The following GAL3ST1 variants were observed in gnomAD, a reference collection of about 807,000 sequenced individuals.
GAL3ST1 encodes galactosylceramide sulfotransferase.
Under a neutral mutation model 25.0 loss-of-function variants are expected in GAL3ST1, and 13 were observed. The observed-to-expected ratio is 0.52, with a 90% CI of 0.34 to 0.83. The LOEUF (loss-of-function observed/expected upper bound fraction) is 0.83, where lower values mean the gene tolerates loss of function less well. GAL3ST1 is among the 40% of genes least tolerant of loss of function. The pLI is 0.02. For missense variants in GAL3ST1, 474 were observed against 613.6 expected (o/e 0.77, Z 2.40); for synonymous variants, 274 against 277.8 (o/e 0.99, Z 0.14).
intron 1 of GAL3ST1, among the ~76,000 whole-genome samples, chr22:30,568,118 G>A (rs1263866344): frequency 6.6e-6 from 1 of 152,234 alleles, no homozygotes; most frequent in Non-Finnish European, 1.5e-5. Flanking sequence ...ACACACAGCT[G>A]TGAGGCGTGT....
intron 3 of GAL3ST1, among the ~76,000 whole-genome samples, chr22:30,556,982 G>A (rs1343900306): frequency 2.0e-5 from 3 of 152,184 alleles, no homozygotes; most frequent in Non-Finnish European, 2.9e-5. Flanking sequence ...CGATCTGCCC[G>A]CCTGGGCCTC....
At chr22:30,572,084 G>C (rs540604083) in intron 1 of GAL3ST1, among the ~76,000 whole-genome samples, 1 of 152,270 alleles carries the variant, frequency 6.6e-6, no homozygotes, top group South Asian at 2.1e-4. Flanking sequence ...AGTAGCCTTA[G>C]AGAAGCGCTA....
In GAL3ST1 at chr22:30,555,516, C is replaced by T. The variant is rs151043823; in HGVS notation, c.709G>A (p.Glu237Lys). The T allele has an allele frequency of 3.9e-4, 630 of 1,613,714 alleles. No homozygotes were observed. Among genetic ancestry groups the T allele is most frequent in the Middle Eastern group, 1.6e-3 (10 of 6,062 alleles). ...CGACGCTCCACCTCCAGGATGTGCTCCTGCACCTGCGGGCTGCTGGGGTCC... is the reference window on the plus strand; with the variant it reads ...CGACGCTCCACCTCCAGGATGTGCTTCTGCACCTGCGGGCTGCTGGGGTCC... ...SLDPSSPQVQ[E>K]HILEVERRFH... The change falls in exon 4 of 4, where the codon GAG becomes AAG. Residue 237 changes from glutamate to lysine, a missense_variant. Coordinates refer to ENST00000406361, the MANE Select transcript of GAL3ST1 (RefSeq NM_001318104.2). This position sits in a 1 kb window ranked among gnomAD's most constrained non-coding sequence, Gnocchi z 8.6.
rs1470677540 is a variant in GAL3ST1 at position 30,574,587 on chromosome 22, C to G, written c.-241G>C. 2 of 146,252 alleles carry G rather than the reference C, an allele frequency of 1.4e-5. No homozygotes were observed. The highest frequency in any genetic ancestry group is 1.4e-4 in the Admixed American group (2 of 14,702). 9.1% of individuals were successfully genotyped at this position (146,252 alleles called of 1,614,324 possible). A position where few individuals can be genotyped will look rare whatever the true frequency, so the allele number is the denominator to read the frequency against. On this transcript the variant is annotated 5_prime_UTR_variant, in exon 1 of 4. Transcript: ENST00000406361. The stretch of plus-strand genomic sequence containing the variant: ...CCCGCTCCACCAGGCCTGGTCCATG[C>G]CCCCGCCCCCGCCGCCGCTGCCGCG...
intron 1 of GAL3ST1, among the ~76,000 whole-genome samples, chr22:30,569,250 G>A (rs1462177346): frequency 6.6e-6 from 1 of 152,084 alleles, no homozygotes; most frequent in Admixed American, 6.6e-5. Flanking sequence ...GTAGGGATGG[G>A]GAAGGAGAGG....
chr22:30,562,620 TC>T (rs1476229667), intron 1 of GAL3ST1, among the ~76,000 whole-genome samples: 1 of 152,202 alleles, frequency 6.6e-6, no homozygotes, highest in Non-Finnish European at 1.5e-5. Flanking sequence ...TACCAGTGAC[TC>T]ATCCCTGAGC....
Position 30,555,059 on chromosome 22 carries a change from A to T in GAL3ST1, c.1166T>A (p.Leu389His), listed in dbSNP as rs1175854064. The change falls in exon 4 of 4, where the codon CTC becomes CAC. Residue 389 changes from leucine to histidine, a missense_variant. Transcript: ENST00000406361. This position sits in a 1 kb window ranked among gnomAD's most constrained non-coding sequence, Gnocchi z 8.6. ...KKSIGQRHAQ[L>H]CRRMLTPEIQ... ...CTCGGGCGTGAGCATGCGCCGGCAG[A>T]GCTGCGCGTGCCGCTGCCCGATGCT... 6.2e-7 allele frequency: 1 copy of T among 1,612,530 alleles called. No individual in the cohort carries two copies. The highest frequency in any genetic ancestry group is 1.7e-5 in the Admixed American group (1 of 60,024).
Sources: gnomAD v4.1 joint callset for allele counts (sites outside exome capture counted in the v4.1 genomes callset) on GRCh38, gnomAD v4.1.1 for gene constraint, Gnocchi (gnomAD v3.1) non-coding constraint, MANE v1.5 for transcripts, NCBI Gene and HGNC (gene_info 2026-07-23, HGNC 2026-07-21) for gene names.